The following CRYBG1 variants were observed in gnomAD, a reference collection of about 807,000 sequenced individuals.
CRYBG1 encodes crystallin beta-gamma domain containing 1.
In CRYBG1, 139 loss-of-function variants were observed where a neutral mutation model predicts 189.2. The observed-to-expected ratio is 0.73, with a 90% CI of 0.64 to 0.85. The LOEUF (loss-of-function observed/expected upper bound fraction) is 0.85, where lower values mean the gene tolerates loss of function less well. Ranked by LOEUF, CRYBG1 falls within the 40% of genes least tolerant of loss-of-function variation. The pLI is 0.00. For synonymous variants in CRYBG1, 1,023 were observed against 1,017.1 expected (o/e 1.01, Z -0.11); for missense variants, 2,611 against 2,675.8 (o/e 0.98, Z 0.53).
At chr6:106,536,191 A>G (rs886244042) in intron 8 of CRYBG1, among the ~76,000 whole-genome samples, 1 of 151,960 alleles carries the variant, frequency 6.6e-6, no homozygotes, top group African/African-American at 2.4e-5. Context: ...TTTCCTATCT[A>G]CTAGGGCTTA....
At chr6:106,399,759 G>A (rs986743538) in intron 1 of CRYBG1, among the ~76,000 whole-genome samples, 2 of 150,144 alleles carry the variant, frequency 1.3e-5, no homozygotes, top group African/African-American at 4.9e-5. Context: ...TGGGCTCAAG[G>A]CATCCTGCCA....
At chr6:106,523,752 C>G (rs1192883680) in intron 4 of CRYBG1, among the ~76,000 whole-genome samples, 1 of 143,284 alleles carries the variant, frequency 7.0e-6, no homozygotes, top group Non-Finnish European at 1.5e-5. Context: ...TTTTTAGAGT[C>G]AGAATCTCGC....
intron 2 of CRYBG1, among the ~76,000 whole-genome samples, chr6:106,465,693 G>A (rs572733077): frequency 6.4e-4 from 98 of 152,226 alleles, no homozygotes; most frequent in African/African-American, 2.3e-3. Flanking sequence ...TTATGTAACC[G>A]TTTTATTAAT....
chr6:106,406,784 A>T (rs1232284515), intron 1 of CRYBG1, among the ~76,000 whole-genome samples: 1 of 152,242 alleles, frequency 6.6e-6, no homozygotes, highest in Non-Finnish European at 1.5e-5. Flanking sequence ...ATCCAGCCAA[A>T]CTAAGCTTCA....
chr6:106,403,368 T>G (rs1429914652), intron 1 of CRYBG1, among the ~76,000 whole-genome samples: 1 of 150,580 alleles, frequency 6.6e-6, no homozygotes, highest in Non-Finnish European at 1.5e-5. Flanking sequence ...CACTTGTGAC[T>G]GGAACACAGA....
At chr6:106,361,824 G>GGT (rs1771873863) in intron 1 of CRYBG1, among the ~76,000 whole-genome samples, 1 of 152,024 alleles carries the variant, frequency 6.6e-6, no homozygotes, top group South Asian at 2.1e-4. Context: ...ATGGCTCAGA[G>GGT]GTGTGAAATA....
At chr6:106,496,625 A>T (rs949986181) in intron 2 of CRYBG1, among the ~76,000 whole-genome samples, 3 of 152,264 alleles carry the variant, frequency 2.0e-5, no homozygotes, top group Admixed American at 6.5e-5. Flanking sequence ...GAGACTAATT[A>T]TAAATATCTA....
intron 2 of CRYBG1, among the ~76,000 whole-genome samples, chr6:106,488,265 C>T (rs1772634851): frequency 6.6e-6 from 1 of 152,160 alleles, no homozygotes; most frequent in Non-Finnish European, 1.5e-5. Context: ...TCTGTCAGGT[C>T]TGGGTCAGAT....
chr6:106,521,115 C>T lies in CRYBG1; in HGVS notation c.3907C>T (p.Leu1303Phe), dbSNP rs768892501. ...TGGTTTGAACAAAGAACAGTCAAAT[C>T]TTCTGCCCGACAACTCCTTAAAGGT... The part of the protein sequence containing the change: ...PCGLNKEQSN[L>F]LPDNSLKVFN... Residue 1303 changes from leucine (L) to phenylalanine (F), a missense_variant, in exon 4 of 22, where the codon CTT becomes TTT. This residue lies in a region of CRYBG1 where 1,622 missense variants were observed against 1,735.0 expected (regional missense o/e 0.93). Transcript: ENST00000633556. 1.2e-6 allele frequency: 2 copies of T among 1,614,178 alleles called. No homozygotes were observed. The highest frequency in any genetic ancestry group is 1.7e-6 in the Non-Finnish European group (2 of 1,180,036).
At position 106,505,100 on chromosome 6, in the gene CRYBG1, CT is replaced by C. The variant is rs374942804; in HGVS notation, c.313-6314del. Among the ~76,000 whole-genome samples the C allele has an allele frequency of 3.8e-3, 535 of 140,926 alleles. 2 individuals are homozygous for C. Among genetic ancestry groups the C allele is most frequent in the Middle Eastern group, 3.6e-3 (1 of 276 alleles). 92.5% of individuals were successfully genotyped at this position (140,926 alleles called of 152,430 possible). A position where few individuals can be genotyped will look rare whatever the true frequency, so the allele number is the denominator to read the frequency against. On this transcript the variant is annotated intron_variant, in intron 2 of 21. Transcript: ENST00000633556. ...GGCATGCCCCACCTCACCTGGCTAACTTTTTTTTTTTTTTTTGAGACAGAGT... is the reference window on the plus strand; with the variant it reads ...GGCATGCCCCACCTCACCTGGCTAACTTTTTTTTTTTTTTTGAGACAGAGT...
intron 7 of CRYBG1, 26 bp from the exon 8 acceptor site, chr6:106,530,150 C>G: frequency 6.3e-7 from 1 of 1,580,460 alleles, no homozygotes. Flanking sequence ...GCAATTCTTA[C>G]TATCTATGCA....
At chr6:106,381,444 T>C (rs1770286409) in intron 1 of CRYBG1, among the ~76,000 whole-genome samples, 2 of 152,022 alleles carry the variant, frequency 1.3e-5, no homozygotes, top group Admixed American at 1.3e-4. Flanking sequence ...AAAAACCATA[T>C]CCAGTGAAAG....
At chr6:106,409,163 A>C (rs1311399423) in intron 1 of CRYBG1, among the ~76,000 whole-genome samples, 1 of 152,256 alleles carries the variant, frequency 6.6e-6, no homozygotes, top group Non-Finnish European at 1.5e-5. Context: ...GCTGATAAAC[A>C]ACTTCAGCAA....
chr6:106,365,563 C>G (rs531442210), intron 1 of CRYBG1, among the ~76,000 whole-genome samples: 1 of 150,964 alleles, frequency 6.6e-6, no homozygotes, highest in Admixed American at 6.6e-5. Context: ...GCTAGGATTA[C>G]GGGTGTGAGC....
chr6:106,490,994 A>C (rs1159624807), intron 2 of CRYBG1, among the ~76,000 whole-genome samples: 1 of 152,220 alleles, frequency 6.6e-6, no homozygotes, highest in East Asian at 1.9e-4. Context: ...TGTGATATTA[A>C]TTTAACGAAG....
chr6:106,386,349 C>A (rs568316787), intron 1 of CRYBG1, among the ~76,000 whole-genome samples: 1 of 152,048 alleles, frequency 6.6e-6, no homozygotes, highest in Non-Finnish European at 1.5e-5. Flanking sequence ...GAGACAAGTG[C>A]GTAGTGCAGG....
intron 21 of CRYBG1, among the ~76,000 whole-genome samples, chr6:106,566,115 G>A (rs1188902074): frequency 2.0e-5 from 3 of 151,240 alleles, no homozygotes; most frequent in East Asian, 3.9e-4. Flanking sequence ...ATGTATTCAC[G>A]GGGTACACAC....
intron 2 of CRYBG1, among the ~76,000 whole-genome samples, chr6:106,459,561 T>A (rs1461182233): frequency 2.0e-5 from 3 of 149,816 alleles, no homozygotes; most frequent in Non-Finnish European, 4.5e-5. Context: ...TTTTTTTTTT[T>A]ACTAAGAAAT....
chr6:106,415,824 T>C (rs1771011500), intron 1 of CRYBG1, among the ~76,000 whole-genome samples: 1 of 152,184 alleles, frequency 6.6e-6, no homozygotes, highest in Admixed American at 6.5e-5. Context: ...GTCTCTCTCT[T>C]GGGATGAGGT....
Sources: allele counts gnomAD v4.1 joint callset (sites outside exome capture counted in the v4.1 genomes callset), GRCh38; gene constraint gnomAD v4.1.1; regional missense constraint gnomAD v4.1.1; transcripts MANE v1.5; gene names NCBI Gene and HGNC (gene_info 2026-07-23, HGNC 2026-07-21).